The following TBC1D32 variants were observed in gnomAD, a reference collection of about 807,000 sequenced individuals.
TBC1D32 encodes the protein TBC1 domain family member 32.
A neutral mutation model predicts 170.3 loss-of-function variants in TBC1D32; 151 were observed. That is an observed-to-expected ratio of 0.89 (90% confidence interval 0.78 to 1.01). The LOEUF is 1.01. Among genes scored for constraint, TBC1D32 ranks in the 50% least tolerant of loss-of-function variants. The pLI is 0.00. For synonymous variants in TBC1D32, 498 were observed against 488.0 expected, an observed-to-expected ratio of 1.02 and a Z score of -0.27; for missense variants, 1,464 against 1,457.1, an observed-to-expected ratio of 1.00 and a Z score of -0.08.
At chr6:121,101,559 A>G (rs1778065631) in intron 30 of TBC1D32, among the ~76,000 whole-genome samples, 2 of 152,182 alleles carry the variant, frequency 1.3e-5, no homozygotes, top group Admixed American at 6.6e-5. Flanking sequence ...AAAAACTCTC[A>G]ATAAATTAGG....
At chr6:121,101,408 C>G (rs1778040657) in intron 30 of TBC1D32, among the ~76,000 whole-genome samples, 1 of 152,048 alleles carries the variant, frequency 6.6e-6, no homozygotes, top group Non-Finnish European at 1.5e-5. Context: ...TGGGCTTCAT[C>G]CATGGGATGC....
At chr6:121,114,824 T>A (rs1488054999) in intron 27 of TBC1D32, among the ~76,000 whole-genome samples, 2 of 152,230 alleles carry the variant, frequency 1.3e-5, no homozygotes, top group African/African-American at 2.4e-5. Flanking sequence ...CTTCAGGTAC[T>A]TTTGTACTCA....
intron 10 of TBC1D32, 119 bp from the exon 11 acceptor site, chr6:121,294,779 A>G: frequency 1.3e-6 from 1 of 790,966 alleles, no homozygotes; most frequent in Non-Finnish European, 2.2e-6. Context: ...AATATTTAGT[A>G]CAGTACCTTT....
At chr6:121,117,505 C>T (rs1156677598) in intron 26 of TBC1D32, among the ~76,000 whole-genome samples, 1 of 151,974 alleles carries the variant, frequency 6.6e-6, no homozygotes, top group Non-Finnish European at 1.5e-5. Context: ...AGTTCAAGAC[C>T]AGCCTCGCCA....
chr6:121,330,631 T>C (rs1335307887), intron 1 of TBC1D32, among the ~76,000 whole-genome samples: 2 of 152,202 alleles, frequency 1.3e-5, no homozygotes, highest in Non-Finnish European at 1.5e-5. Context: ...TAACTGCACA[T>C]TAGACTTACA....
intron 15 of TBC1D32, among the ~76,000 whole-genome samples, chr6:121,278,305 G>A (rs1485903148): frequency 6.6e-6 from 1 of 151,966 alleles, no homozygotes; most frequent in Non-Finnish European, 1.5e-5. Context: ...ATATTCTACA[G>A]ACTGATATAT....
chr6:121,217,413 C>T (rs1002930125), intron 21 of TBC1D32, among the ~76,000 whole-genome samples: 2 of 152,146 alleles, frequency 1.3e-5, no homozygotes, highest in Non-Finnish European at 2.9e-5. Context: ...AACCTAAATG[C>T]CCATCAATGA....
rs1451942096 is a variant in TBC1D32, at chr6:121,142,543, T to C, written c.2774-10791A>G. Reference sequence around the variant, plus strand: ...TTTTATAGGTCATCCTGAATAAACATTATAAAAGTATTTTTAAGTAATAAA... The same window carrying C: ...TTTTATAGGTCATCCTGAATAAACACTATAAAAGTATTTTTAAGTAATAAA... On this transcript the variant is annotated intron_variant, in intron 24 of 31. Transcript: ENST00000398212. Among the ~76,000 whole-genome samples, 12 of 152,302 alleles carry C rather than the reference T, an allele frequency of 7.9e-5. No individual in the cohort carries two copies. In the East Asian group the frequency reaches 2.1e-3, roughly 27 times the overall value.
At chr6:121,320,647 A>G (rs1264953402) in intron 2 of TBC1D32, among the ~76,000 whole-genome samples, 1 of 152,178 alleles carries the variant, frequency 6.6e-6, no homozygotes, top group Non-Finnish European at 1.5e-5. Flanking sequence ...AGTGAATCGA[A>G]CTTGCTAAAT....
chr6:121,119,320 T>A (rs1780022942), intron 26 of TBC1D32, among the ~76,000 whole-genome samples: 1 of 152,186 alleles, frequency 6.6e-6, no homozygotes, highest in Non-Finnish European at 1.5e-5. Flanking sequence ...AAGGTTCATA[T>A]TAAATATCTC....
chr6:121,288,566 C>T (rs557369673), intron 12 of TBC1D32, among the ~76,000 whole-genome samples: 5 of 152,208 alleles, frequency 3.3e-5, no homozygotes, highest in Admixed American at 1.3e-4. Context: ...CCGAATTCTA[C>T]CAGAGGTACA....
intron 15 of TBC1D32, among the ~76,000 whole-genome samples, chr6:121,272,680 C>A (rs937222726): frequency 6.6e-6 from 1 of 152,144 alleles, no homozygotes; most frequent in Non-Finnish European, 1.5e-5. Context: ...ACTAGTTCAA[C>A]CATTGTGGAA....
chr6:121,161,476 A>G (rs970147923), intron 22 of TBC1D32, among the ~76,000 whole-genome samples: 2 of 152,074 alleles, frequency 1.3e-5, no homozygotes, highest in African/African-American at 4.8e-5. Context: ...TCCTATATTA[A>G]TTTGCTGAGG....
intron 20 of TBC1D32, among the ~76,000 whole-genome samples, chr6:121,234,699 G>A (rs548509816): frequency 6.6e-6 from 1 of 151,980 alleles, no homozygotes; most frequent in Non-Finnish European, 1.5e-5. Flanking sequence ...TCAACCTTCT[G>A]AATTCTTTTT....
intron 21 of TBC1D32, among the ~76,000 whole-genome samples, chr6:121,206,278 G>A (rs1238299928): frequency 6.6e-6 from 1 of 151,270 alleles, no homozygotes; most frequent in African/African-American, 2.4e-5. Flanking sequence ...TATATCTTTG[G>A]GTTCAGGCCT....
chr6:121,293,913 AAAAT>A (rs1448734839), intron 11 of TBC1D32, among the ~76,000 whole-genome samples: 1 of 152,186 alleles, frequency 6.6e-6, no homozygotes, highest in Non-Finnish European at 1.5e-5. Context: ...TCTGTCTAAA[AAAAT>A]AAATAAATAA....
rs768043693 is a variant in TBC1D32, at chr6:121,303,673, G to T, written c.1024C>A (p.Pro342Thr). The change falls in exon 9 of 32, where the codon CCG (proline) becomes ACG (threonine). Residue 342 changes from proline (P) to threonine (T), a missense_variant. Transcript: ENST00000398212. Reference sequence around the variant, plus strand: ...TCAACTAATGCAAAAAAGTAGATCGGATCCAAAATCTTTTGTGAGACAACA... The same window carrying T: ...TCAACTAATGCAAAAAAGTAGATCGTATCCAAAATCTTTTGTGAGACAACA... ...SHVVSQKILD[P>T]IYFFALVDTK... 1.9e-6 allele frequency: 3 copies of T among 1,597,894 alleles called. No individual in the cohort carries two copies. The highest frequency in any genetic ancestry group is 1.1e-5 in the South Asian group (1 of 88,536).
At chr6:121,131,322 T>C (rs1781415032) in intron 25 of TBC1D32, among the ~76,000 whole-genome samples, 1 of 150,574 alleles carries the variant, frequency 6.6e-6, no homozygotes, top group Admixed American at 6.6e-5. Flanking sequence ...TTCTAAAAAA[T>C]ATAACAATAT....
intron 1 of TBC1D32, among the ~76,000 whole-genome samples, chr6:121,325,789 T>C (rs1810381208): frequency 6.6e-6 from 1 of 152,098 alleles, no homozygotes; most frequent in Non-Finnish European, 1.5e-5. Flanking sequence ...CTAATTAAAC[T>C]AAAGAGCTTC....
Sources: gnomAD v4.1 joint callset for allele counts (sites outside exome capture counted in the v4.1 genomes callset) on GRCh38, gnomAD v4.1.1 for gene constraint, MANE v1.5 for transcripts, NCBI Gene and HGNC (gene_info 2026-07-23, HGNC 2026-07-21) for gene names.